The following SREK1IP1 variants were observed in gnomAD, a reference collection of about 807,000 sequenced individuals.
The protein encoded by SREK1IP1 is protein SREK1IP1.
In SREK1IP1, 12 loss-of-function variants were observed where a neutral mutation model predicts 22.8. The observed-to-expected ratio is 0.53, with a 90% confidence interval of 0.34 to 0.85. The LOEUF is 0.85. Ranked by LOEUF, SREK1IP1 falls within the 40% of genes least tolerant of loss-of-function variation. The pLI is 0.02. For synonymous variants in SREK1IP1, 53 were observed against 52.7 expected, an observed-to-expected ratio of 1.01 and a Z score of -0.02; for missense variants, 147 against 171.8, an observed-to-expected ratio of 0.86 and a Z score of 0.81.
Position 64,752,296 on chromosome 5 carries a change from C to T in SREK1IP1, c.61+2019G>A, listed in dbSNP as rs534849556. Among the ~76,000 whole-genome samples, 612 of 151,794 alleles carry T rather than the reference C, an allele frequency of 4.0e-3. 3 individuals carry two copies. Among genetic ancestry groups the T allele is most frequent in the African/African-American group, 0.01 (432 of 41,428 alleles). On this transcript the variant is annotated intron_variant, in intron 2 of 4. Transcript: ENST00000513458. Reference sequence around the variant, plus strand: ...CCTCCCAAGTAGCTGGGACTACAGGCGCCCGCCACCACGTCCGGCTAATTT... The same window carrying T: ...CCTCCCAAGTAGCTGGGACTACAGGTGCCCGCCACCACGTCCGGCTAATTT...
intron 1 of SREK1IP1, 125 bp from the exon 2 acceptor site, chr5:64,754,487 C>T: frequency 2.4e-6 from 2 of 846,016 alleles, no homozygotes; most frequent in Non-Finnish European, 3.7e-6. Flanking sequence ...GTTGTTGAGA[C>T]AAGGTGTCAC....
chr5:64,733,170 G>A (rs577655703), intron 3 of SREK1IP1, among the ~76,000 whole-genome samples: 7 of 152,046 alleles, frequency 4.6e-5, no homozygotes, highest in Non-Finnish European at 7.4e-5. Flanking sequence ...GTCTATAAAA[G>A]GAAAACTGAT....
chr5:64,725,647 CTACT>C (rs933292357), intron 4 of SREK1IP1, among the ~76,000 whole-genome samples: 1 of 151,992 alleles, frequency 6.6e-6, no homozygotes, highest in Non-Finnish European at 1.5e-5. Flanking sequence ...CCTTGTTTGT[CTACT>C]TACTTAGACT....
At chr5:64,751,878 C>G (rs1263432582) in intron 2 of SREK1IP1, among the ~76,000 whole-genome samples, 2 of 152,078 alleles carry the variant, frequency 1.3e-5, no homozygotes, top group South Asian at 4.1e-4. Flanking sequence ...AAAAAAGTGA[C>G]AAATTTATAT....
Position 64,721,373 on chromosome 5 carries a change from C to G in SREK1IP1, c.*3011G>C, listed in dbSNP as rs1742158430. The G allele has an allele frequency of 6.6e-6, 1 of 152,096 alleles. No homozygotes were observed. The highest frequency in any genetic ancestry group is 2.1e-4 in the South Asian group (1 of 4,828). 9.4% of individuals were successfully genotyped at this position (152,096 alleles called of 1,614,324 possible). On this transcript the variant is annotated 3_prime_UTR_variant, in exon 5 of 5. Coordinates refer to ENST00000513458, the MANE Select transcript of SREK1IP1 (RefSeq NM_173829.4). ...ATGGCATTTTTATCAACATTATTAA[C>G]AACTCTTCAGCCTAGTTTACTCTGA... is the stretch of plus-strand genomic sequence containing the variant.
intron 2 of SREK1IP1, among the ~76,000 whole-genome samples, chr5:64,744,069 A>C (rs1742593466): frequency 6.6e-6 from 1 of 152,162 alleles, no homozygotes; most frequent in Non-Finnish European, 1.5e-5. Context: ...GGACACAAGC[A>C]TGTGCATTAA....
intron 3 of SREK1IP1, among the ~76,000 whole-genome samples, chr5:64,733,495 T>G (rs1348819203): frequency 6.6e-6 from 1 of 152,160 alleles, no homozygotes; most frequent in Non-Finnish European, 1.5e-5. Flanking sequence ...CTACACATGT[T>G]AGAATGCTAA....
intron 1 of SREK1IP1, among the ~76,000 whole-genome samples, chr5:64,766,117 T>TA (rs2112120974): frequency 6.6e-6 from 1 of 152,360 alleles, no homozygotes; most frequent in East Asian, 1.9e-4. Flanking sequence ...TCCACTCCCA[T>TA]AGCCTTACCT....
At chr5:64,765,675 A>G (rs1743021114) in intron 1 of SREK1IP1, among the ~76,000 whole-genome samples, 1 of 152,208 alleles carries the variant, frequency 6.6e-6, no homozygotes, top group African/African-American at 2.4e-5. Flanking sequence ...TAATGGCACA[A>G]TTTAACATTA....
Position 64,718,247 on chromosome 5 carries a change from G to T in SREK1IP1, c.*6137C>A, listed in dbSNP as rs1409288765. 1 of 393,816 alleles carries T rather than the reference G, an allele frequency of 2.5e-6. No homozygotes were observed. The highest frequency in any genetic ancestry group is 2.1e-5 in the African/African-American group (1 of 47,630). The allele number at this position is 393,816 out of a possible 1,614,324, so 24.4% of individuals were successfully genotyped here. On this transcript the variant is annotated 3_prime_UTR_variant, in exon 5 of 5. Transcript: ENST00000513458. ...TAATTAAGATGTTTCTGTATCACAT[G>T]AGATTATGCTAATTATTCAGGAGAA...
rs1009938411 is a variant in SREK1IP1 at position 64,737,276 on chromosome 5, T to C, written c.205+3781A>G. Reference sequence around the variant, plus strand: ...ATGGTATGAAAATGTAAATCAGTAATGAAAGAAAAACTGGAAAATTCACAT... The same window carrying C: ...ATGGTATGAAAATGTAAATCAGTAACGAAAGAAAAACTGGAAAATTCACAT... On this transcript the variant is annotated intron_variant, in intron 3 of 4. Transcript: ENST00000513458. 5.9e-5 allele frequency among the ~76,000 whole-genome samples: 9 copies of C among 151,514 alleles called. No homozygotes were observed. In the East Asian group the frequency reaches 1.4e-3, roughly 23 times the overall value.
At chr5:64,727,553 A>ATTTTTTTT (rs1186653493) in intron 4 of SREK1IP1, 195 of 84,624 alleles carry the variant, frequency 2.3e-3, no homozygotes, top group African/African-American at 0.01. Flanking sequence ...ATATATATAT[A>ATTTTTTTT]TTTTTTTTTT....
chr5:64,730,487 G>T (rs554665927), intron 3 of SREK1IP1, among the ~76,000 whole-genome samples: 25 of 152,096 alleles, frequency 1.6e-4, no homozygotes, highest in South Asian at 1.0e-3. Context: ...ATAACTGAAG[G>T]AATAAAATTC....
At chr5:64,751,267 T>C (rs527938109) in intron 2 of SREK1IP1, among the ~76,000 whole-genome samples, 23 of 152,368 alleles carry the variant, frequency 1.5e-4, no homozygotes, top group African/African-American at 5.0e-4. Flanking sequence ...CCTCGGTTTA[T>C]GCCTATATTA....
chr5:64,754,526 A>G (rs1354956386), intron 1 of SREK1IP1, 164 bp from the exon 2 acceptor site: 3 of 615,204 alleles, frequency 4.9e-6, no homozygotes, highest in African/African-American at 1.9e-5. Context: ...GTACACTGAC[A>G]TGATCACAGC....
chr5:64,757,087 C>A (rs1378210387), intron 1 of SREK1IP1, among the ~76,000 whole-genome samples: 2 of 151,992 alleles, frequency 1.3e-5, no homozygotes, highest in African/African-American at 2.4e-5. Flanking sequence ...TAGTTATTTT[C>A]CCCTTAAATT....
intron 2 of SREK1IP1, among the ~76,000 whole-genome samples, chr5:64,749,106 T>TAAA (rs760179828): frequency 4.0e-4 from 56 of 141,024 alleles, no homozygotes; most frequent in African/African-American, 9.9e-4. Context: ...ATAATAATAA[T>TAAA]AAAAACCCTC....
chr5:64,750,690 T>C (rs556710087), intron 2 of SREK1IP1, among the ~76,000 whole-genome samples: 36 of 152,302 alleles, frequency 2.4e-4, no homozygotes, highest in African/African-American at 8.2e-4. Context: ...TCTTCTAATT[T>C]ACAAACAAAA....
At chr5:64,728,765 T>C (rs186311840) in intron 3 of SREK1IP1, among the ~76,000 whole-genome samples, 1 of 152,328 alleles carries the variant, frequency 6.6e-6, no homozygotes, top group Admixed American at 6.5e-5. Flanking sequence ...ATTAAATATA[T>C]ATCATTATTA....
Sources: allele counts gnomAD v4.1 joint callset (sites outside exome capture counted in the v4.1 genomes callset), GRCh38; gene constraint gnomAD v4.1.1; transcripts MANE v1.5; gene names NCBI Gene and HGNC (gene_info 2026-07-23, HGNC 2026-07-21).